SETBP1: variants seen among roughly 807,000 people sequenced by gnomAD.
SETBP1 encodes the protein SET binding protein 1, also known as SET-binding protein.
A neutral mutation model predicts 101.0 loss-of-function variants in SETBP1; 9 were observed. The ratio of observed to expected loss-of-function variants is 0.09; its 90% CI spans 0.05 to 0.16. The LOEUF (loss-of-function observed/expected upper bound fraction) is 0.16. Among genes scored for constraint, SETBP1 ranks in the 10% least tolerant of loss-of-function variants. The pLI is 1.00. For synonymous variants in SETBP1, 818 were observed against 788.5 expected (o/e 1.04, Z -0.63); for missense variants, 1,858 against 2,033.8 (o/e 0.91, Z 1.66).
intron 5 of SETBP1, among the ~76,000 whole-genome samples, chr18:45,053,866 G>A (rs2073763748): frequency 6.6e-6 from 1 of 151,972 alleles, no homozygotes; most frequent in Admixed American, 6.6e-5. Flanking sequence ...AGGTATTTAT[G>A]GTTAAGGATA....
intron 2 of SETBP1, among the ~76,000 whole-genome samples, chr18:44,836,932 C>A (rs1043988190): frequency 1.3e-5 from 2 of 151,618 alleles, no homozygotes; most frequent in Admixed American, 6.6e-5. Context: ...ATTTTTTTTT[C>A]TTTGCAACTG....
At chr18:44,989,590 G>T (rs892889820) in intron 4 of SETBP1, among the ~76,000 whole-genome samples, 1 of 151,984 alleles carries the variant, frequency 6.6e-6, no homozygotes, top group Non-Finnish European at 1.5e-5. Context: ...CTCAGAAGCT[G>T]AAAGCCCAAG....
intron 2 of SETBP1, among the ~76,000 whole-genome samples, chr18:44,759,314 C>T (rs186997229): frequency 1.4e-3 from 215 of 152,268 alleles, no homozygotes; most frequent in African/African-American, 4.6e-3. Context: ...TCTGCAGTTG[C>T]CCCCAAGAAT....
intron 2 of SETBP1, among the ~76,000 whole-genome samples, chr18:44,784,225 A>G (rs144756469): frequency 1.7e-4 from 26 of 152,274 alleles, no homozygotes; most frequent in African/African-American, 6.0e-4. Context: ...CTATTAATTC[A>G]TTTTACTTTG....
At chr18:44,969,539 T>A (rs543325866) in intron 4 of SETBP1, among the ~76,000 whole-genome samples, 33 of 152,312 alleles carry the variant, frequency 2.2e-4, no homozygotes, top group Non-Finnish European at 2.5e-4. Context: ...AAGGAGGGAC[T>A]TTAGGTTGGG....
chr18:44,883,772 A>AT (rs1044167340), intron 3 of SETBP1, among the ~76,000 whole-genome samples: 5 of 151,930 alleles, frequency 3.3e-5, no homozygotes, highest in East Asian at 3.9e-4. Context: ...GATTAAGGGA[A>AT]TTTTTTTTTC....
intron 3 of SETBP1, among the ~76,000 whole-genome samples, chr18:44,945,550 C>T (rs200547540): frequency 8.9e-4 from 135 of 152,232 alleles, no homozygotes; most frequent in African/African-American, 3.1e-3. Context: ...ATTTCACAAA[C>T]AATCAACTCT....
intron 2 of SETBP1, among the ~76,000 whole-genome samples, chr18:44,727,186 CTGTG>C (rs56695366): frequency 1.7e-4 from 25 of 145,298 alleles, no homozygotes; most frequent in South Asian, 9.1e-4. Context: ...TATTTGATCA[CTGTG>C]TGTGTGTGTG....
At position 44,832,891 on chromosome 18, in the gene SETBP1, TA is replaced by T. The variant is rs545550691; in HGVS notation, c.487-36338del. Reference sequence around the variant, plus strand: ...GTCTTCTGGCCCCTGAAGCATTTCATAGTTGATTTTTAATCACATTGGACAA... The same window carrying T: ...GTCTTCTGGCCCCTGAAGCATTTCATGTTGATTTTTAATCACATTGGACAA... On this transcript the variant is annotated intron_variant, in intron 2 of 5. Transcript: ENST00000649279. Among the ~76,000 whole-genome samples, 52 of 152,296 alleles carry T rather than the reference TA, an allele frequency of 3.4e-4. 2 individuals carry two copies. The South Asian group carries it at 0.011, about 32-fold the overall frequency.
intron 1 of SETBP1, among the ~76,000 whole-genome samples, chr18:44,699,278 C>A (rs1162930911): frequency 6.6e-6 from 1 of 152,166 alleles, no homozygotes; most frequent in Non-Finnish European, 1.5e-5. Flanking sequence ...TTGCAATTTG[C>A]ATGGATCTGG....
chr18:45,027,044 C>A (rs1325620447), intron 4 of SETBP1, among the ~76,000 whole-genome samples: 1 of 152,104 alleles, frequency 6.6e-6, no homozygotes, highest in African/African-American at 2.4e-5. Flanking sequence ...ATGTCTAATA[C>A]CTCTCCATTC....
chr18:44,903,556 G>C (rs1337587490), intron 3 of SETBP1, among the ~76,000 whole-genome samples: 2 of 152,158 alleles, frequency 1.3e-5, no homozygotes, highest in East Asian at 3.8e-4. Flanking sequence ...AAGAAACAAA[G>C]AAATGGAAGG....
chr18:44,691,846 A>T (rs2068939183), intron 1 of SETBP1, among the ~76,000 whole-genome samples: 1 of 152,178 alleles, frequency 6.6e-6, no homozygotes, highest in Non-Finnish European at 1.5e-5. Flanking sequence ...CACAGGGTTG[A>T]ACTCATGTTC....
intron 3 of SETBP1, chr18:44,870,754 T>TCAA: frequency 6.6e-6 from 1 of 152,190 alleles, no homozygotes; most frequent in South Asian, 2.1e-4. Context: ...AATTGTGTGG[T>TCAA]GCTGTTTTAC....
chr18:44,744,261 C>A (rs1216996185), intron 2 of SETBP1, among the ~76,000 whole-genome samples: 1 of 152,234 alleles, frequency 6.6e-6, no homozygotes, highest in African/African-American at 2.4e-5. Flanking sequence ...ACAATCCAGG[C>A]TCATCTGCTG....
intron 3 of SETBP1, among the ~76,000 whole-genome samples, chr18:44,925,242 CATA>C (rs1422881927): frequency 7.3e-5 from 11 of 151,376 alleles, no homozygotes; most frequent in Non-Finnish European, 5.9e-5. Context: ...AAAATTCACA[CATA>C]ATAAAATACT....
chr18:44,720,957 A>G (rs2069578935), intron 2 of SETBP1, among the ~76,000 whole-genome samples: 1 of 130,068 alleles, frequency 7.7e-6, no homozygotes, highest in Admixed American at 8.7e-5. Context: ...ATGTGCAGAG[A>G]GATGCTTTAG....
At chr18:44,908,523 T>C (rs759849908) in intron 3 of SETBP1, among the ~76,000 whole-genome samples, 4 of 152,248 alleles carry the variant, frequency 2.6e-5, no homozygotes, top group African/African-American at 4.8e-5. Flanking sequence ...GGTTTATTTC[T>C]GGACAATCAG....
intron 4 of SETBP1, among the ~76,000 whole-genome samples, chr18:44,992,507 A>G (rs1196304835): frequency 6.6e-6 from 1 of 152,090 alleles, no homozygotes; most frequent in Non-Finnish European, 1.5e-5. Context: ...AGTAAAAAGA[A>G]AAAGTATTAT....
Sources: gnomAD v4.1 joint callset for allele counts (sites outside exome capture counted in the v4.1 genomes callset) on GRCh38, gnomAD v4.1.1 for gene constraint, MANE v1.5 for transcripts, NCBI Gene and HGNC (gene_info 2026-07-23, HGNC 2026-07-21) for gene names.